HAPLN1: variants seen among roughly 807,000 people sequenced by gnomAD.
HAPLN1 encodes hyaluronan and proteoglycan link protein 1.
Under a neutral mutation model 36.5 loss-of-function variants are expected in HAPLN1, and 13 were observed. The ratio of observed to expected loss-of-function variants is 0.36; its 90% CI spans 0.23 to 0.57. The LOEUF (loss-of-function observed/expected upper bound fraction) is 0.57. HAPLN1 is among the 20% of genes least tolerant of loss of function. The pLI, the probability that HAPLN1 is intolerant of heterozygous loss-of-function variation, is 0.83. For synonymous variants in HAPLN1, 202 were observed against 169.8 expected (o/e 1.19, Z -1.48); for missense variants, 407 against 439.7 (o/e 0.93, Z 0.66).
At chr5:83,698,689 G>A (rs1331163947) in intron 1 of HAPLN1, among the ~76,000 whole-genome samples, 1 of 152,084 alleles carries the variant, frequency 6.6e-6, no homozygotes, top group Non-Finnish European at 1.5e-5. Context: ...CAAACACTAT[G>A]AGGCAAATAT....
chr5:83,716,932 T>G (rs1385540215), intron 1 of HAPLN1, among the ~76,000 whole-genome samples: 1 of 152,100 alleles, frequency 6.6e-6, no homozygotes, highest in Non-Finnish European at 1.5e-5. Context: ...CTCGAGAGGC[T>G]GAGGCAGGGG....
At chr5:83,703,925 C>T (rs778629127) in intron 1 of HAPLN1, among the ~76,000 whole-genome samples, 1 of 151,490 alleles carries the variant, frequency 6.6e-6, no homozygotes, top group Non-Finnish European at 1.5e-5. Context: ...ACAAAAAGAA[C>T]ATCCTAAAGA....
In HAPLN1 at chr5:83,640,026, G is replaced by A. The variant is rs1358782338; in HGVS notation, c.*1470C>T. ...ATTTATTTACTCATGTTCATGGGAGGAAAATCTACATAAAAACATTCATGA... is the reference window on the plus strand; with the variant it reads ...ATTTATTTACTCATGTTCATGGGAGAAAAATCTACATAAAAACATTCATGA... On this transcript the variant is annotated 3_prime_UTR_variant, in exon 5 of 5. Transcript: ENST00000274341. 6.6e-6 allele frequency: 1 copy of A among 152,030 alleles called. No homozygotes were observed. Among genetic ancestry groups the A allele is most frequent in the Admixed American group, 6.6e-5 (1 of 15,266 alleles). 9.4% of individuals were successfully genotyped at this position (152,030 alleles called of 1,614,324 possible).
chr5:83,711,725 T>G (rs1290369147), intron 1 of HAPLN1, among the ~76,000 whole-genome samples: 1 of 152,212 alleles, frequency 6.6e-6, no homozygotes, highest in African/African-American at 2.4e-5. Context: ...TTATCATGAT[T>G]AGTAAGCCAT....
At chr5:83,704,992 G>A (rs1751604944) in intron 1 of HAPLN1, among the ~76,000 whole-genome samples, 1 of 152,128 alleles carries the variant, frequency 6.6e-6, no homozygotes, top group Non-Finnish European at 1.5e-5. Context: ...CTAAAACTCA[G>A]CCAATAATTA....
intron 3 of HAPLN1, among the ~76,000 whole-genome samples, chr5:83,647,062 T>C (rs898146068): frequency 2.6e-5 from 4 of 152,210 alleles, no homozygotes; most frequent in African/African-American, 9.6e-5. Context: ...TCTTTCAGGT[T>C]TAAATTCACT....
At chr5:83,661,685 C>T (rs74320763) in intron 2 of HAPLN1, among the ~76,000 whole-genome samples, 10,873 of 152,046 alleles carry the variant, frequency 0.072, 593 homozygotes, top group Admixed American at 0.17. Flanking sequence ...CCTCGTGATC[C>T]GCCCGCCTCG....
intron 2 of HAPLN1, among the ~76,000 whole-genome samples, chr5:83,673,219 C>T (rs1455436011): frequency 6.6e-6 from 1 of 152,140 alleles, no homozygotes; most frequent in Non-Finnish European, 1.5e-5. Context: ...CATTCTTAAG[C>T]TACTCAACTT....
chr5:83,703,363 T>G (rs1033171503), intron 1 of HAPLN1: 9 of 152,312 alleles, frequency 5.9e-5, no homozygotes, highest in Admixed American at 5.2e-4. Flanking sequence ...CATTACATTG[T>G]TTTTAGTTCT....
At chr5:83,667,369 G>A (rs1333398084) in intron 2 of HAPLN1, among the ~76,000 whole-genome samples, 1 of 152,048 alleles carries the variant, frequency 6.6e-6, no homozygotes, top group Non-Finnish European at 1.5e-5. Context: ...TTAAGATTTA[G>A]TCATCTAATA....
intron 1 of HAPLN1, among the ~76,000 whole-genome samples, chr5:83,706,975 C>A (rs878897114): frequency 6.6e-6 from 1 of 152,146 alleles, no homozygotes; most frequent in African/African-American, 2.4e-5. Flanking sequence ...ATCCCATTCA[C>A]AATTGCCACA....
chr5:83,710,951 A>C (rs1580166544), intron 1 of HAPLN1, among the ~76,000 whole-genome samples: 1 of 152,084 alleles, frequency 6.6e-6, no homozygotes, highest in African/African-American at 2.4e-5. Flanking sequence ...ATTCCGTCTC[A>C]AAAAAGAAAA....
chr5:83,659,246 C>T (rs1215521097), intron 2 of HAPLN1, among the ~76,000 whole-genome samples: 1 of 151,526 alleles, frequency 6.6e-6, no homozygotes, highest in Non-Finnish European at 1.5e-5. Flanking sequence ...TGCACTCCAG[C>T]CTGGGTGACA....
intron 3 of HAPLN1, among the ~76,000 whole-genome samples, chr5:83,649,044 A>ACTCTGAAG (rs928059399): frequency 2.0e-5 from 3 of 152,012 alleles, no homozygotes; most frequent in Admixed American, 2.0e-4. Context: ...TCCTCATCTT[A>ACTCTGAAG]CTCTGAAGTA....
chr5:83,669,776 C>T (rs1750654209), intron 2 of HAPLN1, among the ~76,000 whole-genome samples: 1 of 152,118 alleles, frequency 6.6e-6, no homozygotes. Flanking sequence ...CTCTTGGGAA[C>T]CAGGCACTGT....
chr5:83,660,275 A>C (rs1750348984), intron 2 of HAPLN1, among the ~76,000 whole-genome samples: 1 of 152,186 alleles, frequency 6.6e-6, no homozygotes, highest in African/African-American at 2.4e-5. Context: ...AGTGATGCTG[A>C]TCATGAATGG....
At chr5:83,718,316 A>T (rs1751957121) in intron 1 of HAPLN1, among the ~76,000 whole-genome samples, 1 of 152,178 alleles carries the variant, frequency 6.6e-6, no homozygotes, top group African/African-American at 2.4e-5. Context: ...GCGTGTAGTT[A>T]ATGTTCAACA....
chr5:83,656,066 G>C lies in HAPLN1; in HGVS notation c.101-3242C>G, dbSNP rs150781164. On this transcript the variant is annotated intron_variant, in intron 2 of 4. Coordinates refer to ENST00000274341, the MANE Select transcript of HAPLN1 (RefSeq NM_001884.4). Reference sequence around the variant, plus strand: ...ATTGGGGCTGGGTGCAGTGGCTCACGCCTATAATCCCAGCACTTTGGGAGG... The same window carrying C: ...ATTGGGGCTGGGTGCAGTGGCTCACCCCTATAATCCCAGCACTTTGGGAGG... Among the ~76,000 whole-genome samples the C allele has an allele frequency of 5.9e-3, 900 of 152,156 alleles. 6 individuals carry two copies. Among genetic ancestry groups the C allele is most frequent in the Middle Eastern group, 0.01 (3 of 294 alleles).
At chr5:83,707,644 G>A (rs150907272) in intron 1 of HAPLN1, among the ~76,000 whole-genome samples, 5 of 151,996 alleles carry the variant, frequency 3.3e-5, no homozygotes, top group Non-Finnish European at 7.4e-5. Flanking sequence ...GAAGATAATC[G>A]AGGCAATACC....
Sources: gnomAD v4.1 joint callset for allele counts (sites outside exome capture counted in the v4.1 genomes callset) on GRCh38, gnomAD v4.1.1 for gene constraint, MANE v1.5 for transcripts, NCBI Gene and HGNC (gene_info 2026-07-23, HGNC 2026-07-21) for gene names.